ZNF589: variants seen among roughly 807,000 people sequenced by gnomAD.
ZNF589 encodes the protein zinc finger protein 589.
A neutral mutation model predicts 13.6 loss-of-function variants in ZNF589; 17 were observed. The ratio of observed to expected loss-of-function variants is 1.25; its 90% confidence interval spans 0.86 to 1.88. The LOEUF is 1.88. Ranked by LOEUF, ZNF589 falls within the 40% of genes most tolerant of loss-of-function variation. The pLI, the probability that ZNF589 is intolerant of heterozygous loss-of-function variation, is 0.00. For synonymous variants in ZNF589, 148 were observed against 161.6 expected, an observed-to-expected ratio of 0.92 and a Z score of 0.64; for missense variants, 407 against 434.0, an observed-to-expected ratio of 0.94 and a Z score of 0.55.
At chr3:48,263,846 T>C (rs1342344996) in intron 3 of ZNF589, among the ~76,000 whole-genome samples, 1 of 152,220 alleles carries the variant, frequency 6.6e-6, no homozygotes, top group Non-Finnish European at 1.5e-5. Flanking sequence ...TTACAAAATA[T>C]AGGTTATAAA....
intron 1 of ZNF589, 64 bp downstream of exon 1, chr3:48,241,278 G>A: frequency 6.3e-7 from 1 of 1,587,372 alleles, no homozygotes; most frequent in Non-Finnish European, 8.6e-7. Flanking sequence ...CCGCGCAGGC[G>A]TCGGCCGTAT....
chr3:48,263,577 C>G (rs2033988966), intron 3 of ZNF589, among the ~76,000 whole-genome samples: 1 of 152,056 alleles, frequency 6.6e-6, no homozygotes, highest in Admixed American at 6.6e-5. Flanking sequence ...TTTGCCTCTA[C>G]TAAAAATACA....
At chr3:48,267,701 A>G (rs2034035007) in intron 3 of ZNF589, among the ~76,000 whole-genome samples, 1 of 152,178 alleles carries the variant, frequency 6.6e-6, no homozygotes, top group Admixed American at 6.5e-5. Flanking sequence ...AGCCCTTTGT[A>G]TTATTCATAT....
At position 48,241,203 on chromosome 3, in the gene ZNF589, GGA is replaced by G; in HGVS notation, c.33_34del (p.Trp11CysfsTer19). 1 of 1,613,080 alleles carries G rather than the reference GGA, an allele frequency of 6.2e-7. No individual in the cohort carries two copies. Among genetic ancestry groups the G allele is most frequent in the Non-Finnish European group, 8.5e-7 (1 of 1,179,784 alleles). Reference sequence around the variant, plus strand: ...GCCCCGCGGGAGCAGCTACTGGGCTGGACTGCGGAAGGTGAGTCGGGGCCGCG... The same window carrying G: ...GCCCCGCGGGAGCAGCTACTGGGCTGCTGCGGAAGGTGAGTCGGGGCCGCG... On this transcript the variant is annotated frameshift_variant, in exon 1 of 4. Transcript: ENST00000354698. LOFTEE classifies it high-confidence loss of function.
At chr3:48,254,321 CACTGATCT>C (rs1400606543) in intron 2 of ZNF589, among the ~76,000 whole-genome samples, 2 of 152,136 alleles carry the variant, frequency 1.3e-5, no homozygotes, top group African/African-American at 4.8e-5. Flanking sequence ...TATTCTGTTC[CACTGATCT>C]ACTTGCCTTT....
rs1172726310 is a variant in ZNF589, at chr3:48,260,687, G to T, written c.97-126G>T. The T allele has an allele frequency of 2.9e-6, 4 of 1,357,194 alleles. No homozygotes were observed. In the East Asian group the frequency reaches 7.0e-5, roughly 24 times the overall value. 84.1% of individuals were successfully genotyped at this position (1,357,194 alleles called of 1,614,324 possible). A position where few individuals can be genotyped will look rare whatever the true frequency, so the allele number is the denominator to read the frequency against. On this transcript the variant is annotated intron_variant, in intron 2 of 3. Coordinates refer to ENST00000354698, the MANE Select transcript of ZNF589 (RefSeq NM_016089.3). Reference sequence around the variant, plus strand: ...GCCTCCCAAAGTGCTAGGATTGCAGGTGTGAGCCACCGTGCCCGGCCTAGA... The same window carrying T: ...GCCTCCCAAAGTGCTAGGATTGCAGTTGTGAGCCACCGTGCCCGGCCTAGA...
In ZNF589 at chr3:48,268,627, CT is replaced by C; in HGVS notation, c.939del (p.Phe313LeufsTer58). 6.2e-7 allele frequency: 1 copy of C among 1,613,828 alleles called. No individual in the cohort carries two copies. The highest frequency in any genetic ancestry group is 8.5e-7 in the Non-Finnish European group (1 of 1,179,982). ...ATGTGTGCAGCCATTGTGGGCGAGG[CT>C]TTAGCTGCAAGCCATACCTCATCAG... is the stretch of plus-strand genomic sequence containing the variant. ...PYVCSHCGRG[F>X]SCKPYLIRHQ... On this transcript the variant is annotated frameshift_variant, in exon 4 of 4. Coordinates refer to ENST00000354698, the MANE Select transcript of ZNF589 (RefSeq NM_016089.3). LOFTEE classifies it low-confidence loss of function (END_TRUNC).
chr3:48,266,162 G>T (rs1048727652), intron 3 of ZNF589, among the ~76,000 whole-genome samples: 1 of 152,146 alleles, frequency 6.6e-6, no homozygotes, highest in Admixed American at 6.5e-5. Context: ...TTGCTACTTT[G>T]ACTAGGCCTT....
At chr3:48,261,792 A>T (rs139264575) in intron 3 of ZNF589, among the ~76,000 whole-genome samples, 2 of 152,284 alleles carry the variant, frequency 1.3e-5, no homozygotes, top group African/African-American at 4.8e-5. Flanking sequence ...GCACTGCTTT[A>T]ATCTAATTTG....
intron 3 of ZNF589, among the ~76,000 whole-genome samples, chr3:48,267,037 A>G (rs1330199916): frequency 6.6e-6 from 1 of 152,178 alleles, no homozygotes; most frequent in Non-Finnish European, 1.5e-5. Context: ...AGTATTGAAG[A>G]ATGTGCATAG....
At chr3:48,246,919 C>G (rs766194429) in intron 1 of ZNF589, among the ~76,000 whole-genome samples, 1 of 152,162 alleles carries the variant, frequency 6.6e-6, no homozygotes. Context: ...CGGCCTGCCT[C>G]GGCCTCCCAA....
At position 48,268,388 on chromosome 3, in the gene ZNF589, CAGAA is replaced by C; in HGVS notation, c.698_701del (p.Gln233ArgfsTer53). The C allele has an allele frequency of 6.2e-7, 1 of 1,614,210 alleles. No homozygotes were observed. Among genetic ancestry groups the C allele is most frequent in the Non-Finnish European group, 8.5e-7 (1 of 1,180,020 alleles). ...TAACCAGAAGTCAAACCTGTTCAGA[CAGAA>C]GGCAGTCACAGCAGAAAAATCTTCA... On this transcript the variant is annotated frameshift_variant, in exon 4 of 4. Coordinates refer to ENST00000354698, the MANE Select transcript of ZNF589 (RefSeq NM_016089.3). LOFTEE classifies it low-confidence loss of function (END_TRUNC).
chr3:48,241,163 C>A lies in ZNF589; in HGVS notation c.-9C>A. The A allele has an allele frequency of 1.2e-6, 1 of 803,506 alleles. No homozygotes were observed. Among genetic ancestry groups the A allele is most frequent in the African/African-American group, 2.6e-5 (1 of 38,894 alleles). The allele number at this position is 803,506 out of a possible 1,614,324, so 49.8% of individuals were successfully genotyped here. ...ACCTCGTTTGCTTCGTGCGTGCGTG[C>A]GCGCGCAGATGTGGGCCCCGCGGGA... On this transcript the variant is annotated 5_prime_UTR_variant, in exon 1 of 4. Transcript: ENST00000354698.
At chr3:48,242,755 T>A (rs564170131) in intron 1 of ZNF589, among the ~76,000 whole-genome samples, 1 of 152,246 alleles carries the variant, frequency 6.6e-6, no homozygotes, top group East Asian at 1.9e-4. Flanking sequence ...AATAAAACTT[T>A]CTTTATAGAC....
chr3:48,253,631 C>G (rs1427255267), intron 2 of ZNF589, among the ~76,000 whole-genome samples: 2 of 151,676 alleles, frequency 1.3e-5, no homozygotes, highest in South Asian at 2.1e-4. Flanking sequence ...TCCCGAGTAG[C>G]TGGGACTACA....
intron 1 of ZNF589, among the ~76,000 whole-genome samples, chr3:48,246,689 G>C (rs1246658837): frequency 1.3e-5 from 2 of 151,626 alleles, no homozygotes; most frequent in African/African-American, 4.8e-5. Context: ...TTTTTCTTGA[G>C]ACGGAGTCTC....
intron 2 of ZNF589, among the ~76,000 whole-genome samples, chr3:48,257,546 C>G (rs2033917170): frequency 6.6e-6 from 1 of 151,942 alleles, no homozygotes; most frequent in African/African-American, 2.4e-5. Context: ...AGACGTGAGC[C>G]ACCGAAAAAA....
chr3:48,268,733 A>G lies in ZNF589; in HGVS notation c.1042A>G (p.Ile348Val). The change falls in exon 4 of 4, where the codon ATT becomes GTT. Residue 348 changes from isoleucine to valine, a missense_variant. Coordinates refer to ENST00000354698, the MANE Select transcript of ZNF589 (RefSeq NM_016089.3). ...AGGCTTTCGTGAAAAGTCAGAGCTCATTAAGCACCAGAGAATTCACACGGG... is the reference window on the plus strand; with the variant it reads ...AGGCTTTCGTGAAAAGTCAGAGCTCGTTAAGCACCAGAGAATTCACACGGG... Reference protein sequence around the residue: ...GRGFREKSELIKHQRIHTGDK... With the variant: ...GRGFREKSELVKHQRIHTGDK... 1 of 1,613,258 alleles carries G rather than the reference A, an allele frequency of 6.2e-7. No individual in the cohort carries two copies. Among genetic ancestry groups the G allele is most frequent in the Non-Finnish European group, 8.5e-7 (1 of 1,179,712 alleles).
At position 48,250,674 on chromosome 3, in the gene ZNF589, G is replaced by C. The variant is rs570405597; in HGVS notation, c.96+2997G>C. 3.3e-5 allele frequency among the ~76,000 whole-genome samples: 5 copies of C among 152,200 alleles called. No homozygotes were observed. In the East Asian group the frequency reaches 9.6e-4, roughly 29 times the overall value. On this transcript the variant is annotated intron_variant, in intron 2 of 3. Coordinates refer to ENST00000354698, the MANE Select transcript of ZNF589 (RefSeq NM_016089.3). ...TTTATTAGAGACTTGGTTTCATCGTGTTGGCCAGGCTGGTCTCGAACTCCT... is the reference window on the plus strand; with the variant it reads ...TTTATTAGAGACTTGGTTTCATCGTCTTGGCCAGGCTGGTCTCGAACTCCT...
Sources: allele counts gnomAD v4.1 joint callset (sites outside exome capture counted in the v4.1 genomes callset), GRCh38; gene constraint gnomAD v4.1.1; transcripts MANE v1.5; gene names NCBI Gene and HGNC (gene_info 2026-07-23, HGNC 2026-07-21).